The following POU6F2 variants were observed in gnomAD, a reference collection of about 807,000 sequenced individuals.
POU6F2 encodes POU class 6 homeobox 2.
POU6F2 carries 31 observed loss-of-function variants against 71.3 expected under a neutral mutation model. The ratio of observed to expected loss-of-function variants is 0.43; its 90% CI spans 0.33 to 0.59. POU6F2 has a LOEUF of 0.59. Ranked by LOEUF, POU6F2 falls within the 20% of genes least tolerant of loss-of-function variation. The pLI is 0.04. For missense variants in POU6F2, 783 were observed against 856.8 expected (o/e 0.91, Z 1.07); for synonymous variants, 347 against 355.7 (o/e 0.98, Z 0.27).
intron 6 of POU6F2, among the ~76,000 whole-genome samples, chr7:39,422,923 G>C (rs867067769): frequency 6.6e-5 from 10 of 152,158 alleles, no homozygotes; most frequent in Admixed American, 1.3e-4. Context: ...AAAACTGCCT[G>C]ACAGTGCCAT....
At chr7:39,216,501 CA>C (rs1301828548) in intron 4 of POU6F2, among the ~76,000 whole-genome samples, 1 of 152,040 alleles carries the variant, frequency 6.6e-6, no homozygotes, top group Non-Finnish European at 1.5e-5. Flanking sequence ...GGATGACAAG[CA>C]GATCAGTGGT....
chr7:39,025,083 C>A (rs1365031974), intron 1 of POU6F2, among the ~76,000 whole-genome samples: 1 of 152,046 alleles, frequency 6.6e-6, no homozygotes, highest in Admixed American at 6.6e-5. Context: ...AGGAATGGTA[C>A]CAGTTCCTCC....
intron 1 of POU6F2, among the ~76,000 whole-genome samples, chr7:39,078,695 A>G (rs1791047218): frequency 6.6e-6 from 1 of 152,170 alleles, no homozygotes; most frequent in Non-Finnish European, 1.5e-5. Context: ...TAAATGGTAA[A>G]TATTTCAGGC....
intron 7 of POU6F2, among the ~76,000 whole-genome samples, chr7:39,447,025 A>G (rs1788540150): frequency 6.6e-6 from 1 of 152,178 alleles, no homozygotes; most frequent in African/African-American, 2.4e-5. Flanking sequence ...AGTACAGATA[A>G]CTAGAATTAA....
intron 2 of POU6F2, among the ~76,000 whole-genome samples, chr7:39,123,859 C>A (rs1283154224): frequency 6.6e-6 from 1 of 151,786 alleles, no homozygotes; most frequent in Non-Finnish European, 1.5e-5. Flanking sequence ...GAAGAAAAAT[C>A]AAGTAACTAG....
intron 1 of POU6F2, among the ~76,000 whole-genome samples, chr7:39,023,878 A>G (rs1324181205): frequency 6.6e-6 from 1 of 152,102 alleles, no homozygotes; most frequent in African/African-American, 2.4e-5. Context: ...ATGGTTGGTG[A>G]AAGAGCCAGG....
chr7:39,357,570 T>A (rs1786286977), intron 5 of POU6F2, among the ~76,000 whole-genome samples: 1 of 152,188 alleles, frequency 6.6e-6, no homozygotes, highest in Non-Finnish European at 1.5e-5. Flanking sequence ...TTCTCAGGAC[T>A]GTTCTGGCTT....
intron 5 of POU6F2, among the ~76,000 whole-genome samples, chr7:39,347,356 T>C (rs1338691566): frequency 1.3e-5 from 2 of 152,290 alleles, no homozygotes; most frequent in African/African-American, 4.8e-5. Context: ...AAACCCATAG[T>C]AGCTAGAATG....
rs78169000 is a variant in POU6F2 at position 39,271,801 on chromosome 7, C to T, written c.598+64181C>T. Among the ~76,000 whole-genome samples, 8 of 152,100 alleles carry T rather than the reference C, an allele frequency of 5.3e-5. No individual in the cohort carries two copies. The East Asian group carries it at 9.7e-4, about 18-fold the overall frequency. The stretch of plus-strand genomic sequence containing the variant: ...TGAGACATCCAGGAGCCGTTCAAAT[C>T]GTCATTCAACTTATTTTATTCTTTA... On this transcript the variant is annotated intron_variant, in intron 4 of 9. Transcript: ENST00000518318.
chr7:39,440,179 A>G (rs1454376796), intron 7 of POU6F2, among the ~76,000 whole-genome samples: 3 of 152,038 alleles, frequency 2.0e-5, no homozygotes, highest in Admixed American at 6.6e-5. Context: ...ATCTTCTCAT[A>G]AGATATCTTA....
intron 2 of POU6F2, among the ~76,000 whole-genome samples, chr7:39,129,991 C>T (rs915139589): frequency 4.2e-5 from 6 of 144,360 alleles, no homozygotes; most frequent in Admixed American, 1.5e-4. Flanking sequence ...GGCATGAACC[C>T]GGGAGGTGGA....
intron 5 of POU6F2, among the ~76,000 whole-genome samples, chr7:39,342,873 C>T (rs1462567367): frequency 1.3e-5 from 2 of 152,082 alleles, no homozygotes; most frequent in Non-Finnish European, 2.9e-5. Flanking sequence ...ATTTACAAAA[C>T]CAAGTTGTTT....
At chr7:39,024,985 GT>G in intron 1 of POU6F2, among the ~76,000 whole-genome samples, 2 of 152,192 alleles carry the variant, frequency 1.3e-5, no homozygotes, top group Non-Finnish European at 2.9e-5. Flanking sequence ...TTGTGTCTCT[GT>G]CCAGCTTTGG....
intron 2 of POU6F2, among the ~76,000 whole-genome samples, chr7:39,199,615 G>C (rs971348582): frequency 2.0e-5 from 3 of 152,078 alleles, no homozygotes; most frequent in African/African-American, 4.8e-5. Flanking sequence ...TGGGAGGCTT[G>C]GTCCTCAGGA....
At chr7:39,232,233 T>C (rs1794591071) in intron 4 of POU6F2, among the ~76,000 whole-genome samples, 2 of 152,206 alleles carry the variant, frequency 1.3e-5, no homozygotes, top group South Asian at 4.1e-4. Context: ...TCTTTACATG[T>C]TCTTCTGATA....
intron 8 of POU6F2, among the ~76,000 whole-genome samples, chr7:39,453,946 G>A (rs1788723215): frequency 1.3e-5 from 2 of 152,118 alleles, no homozygotes; most frequent in East Asian, 1.9e-4. Flanking sequence ...ACTAGGGGTC[G>A]CACTTTGCCC....
rs920708869 is a variant in POU6F2, at chr7:39,468,201, T to G, written c.*3515T>G. The G allele has an allele frequency of 6.6e-6, 1 of 151,974 alleles. No homozygotes were observed. Among genetic ancestry groups the G allele is most frequent in the African/African-American group, 2.4e-5 (1 of 41,374 alleles). 9.4% of individuals were successfully genotyped at this position (151,974 alleles called of 1,614,324 possible). A position where few individuals can be genotyped will look rare whatever the true frequency, so the allele number is the denominator to read the frequency against. On this transcript the variant is annotated 3_prime_UTR_variant, in exon 10 of 10. Transcript: ENST00000518318. ...TGTTGTTAAGAAAGTGATTTTTTTT[T>G]TTTTTTGTCCTATGTGCTGTGATCT...
At chr7:39,035,125 G>A (rs1790029305) in intron 1 of POU6F2, among the ~76,000 whole-genome samples, 1 of 151,028 alleles carries the variant, frequency 6.6e-6, no homozygotes, top group Non-Finnish European at 1.5e-5. Context: ...ATTTTTTAAA[G>A]TTTTTTTTAA....
At chr7:39,170,507 T>C (rs1793197626) in intron 2 of POU6F2, among the ~76,000 whole-genome samples, 1 of 152,126 alleles carries the variant, frequency 6.6e-6, no homozygotes, top group African/African-American at 2.4e-5. Context: ...GCAATATCAT[T>C]ATATATATTT....
Sources: allele counts gnomAD v4.1 joint callset (sites outside exome capture counted in the v4.1 genomes callset), GRCh38; gene constraint gnomAD v4.1.1; transcripts MANE v1.5; gene names NCBI Gene and HGNC (gene_info 2026-07-23, HGNC 2026-07-21).